The following FAF1 variants were observed in gnomAD, a reference collection of about 807,000 sequenced individuals.
The protein encoded by FAF1 is Fas associated factor 1.
FAF1 carries 25 observed loss-of-function variants against 92.5 expected under a neutral mutation model. The ratio of observed to expected loss-of-function variants is 0.27; its 90% confidence interval spans 0.20 to 0.38. FAF1 has a LOEUF of 0.38. FAF1 is among the 10% of genes least tolerant of loss of function. The pLI is 1.00. For missense variants in FAF1, 636 were observed against 793.3 expected (o/e 0.80, Z 2.38); for synonymous variants, 234 against 273.2 (o/e 0.86, Z 1.42).
At chr1:50,678,016 A>T (rs1656211290) in intron 7 of FAF1, among the ~76,000 whole-genome samples, 1 of 152,222 alleles carries the variant, frequency 6.6e-6, no homozygotes, top group African/African-American at 2.4e-5. Context: ...GCTAGAGGCA[A>T]AACAGATTCT....
chr1:50,663,807 CCAGT>C (rs1222216572), intron 7 of FAF1, among the ~76,000 whole-genome samples: 3 of 151,412 alleles, frequency 2.0e-5, no homozygotes, highest in African/African-American at 7.4e-5. Context: ...CCTAAGGTGG[CCAGT>C]CACTTTTGAG....
chr1:50,595,231 T>G (rs184168399), intron 9 of FAF1, among the ~76,000 whole-genome samples: 4 of 152,058 alleles, frequency 2.6e-5, no homozygotes, highest in Non-Finnish European at 5.9e-5. Flanking sequence ...ATTTTGTATT[T>G]TTAGTAGAGA....
At chr1:50,667,008 T>C (rs1655670349) in intron 7 of FAF1, among the ~76,000 whole-genome samples, 1 of 152,242 alleles carries the variant, frequency 6.6e-6, no homozygotes, top group Non-Finnish European at 1.5e-5. Context: ...AGTTACAGTC[T>C]GTCCACTTTG....
chr1:50,892,757 T>A (rs979978540), intron 1 of FAF1, among the ~76,000 whole-genome samples: 1 of 152,228 alleles, frequency 6.6e-6, no homozygotes, highest in Non-Finnish European at 1.5e-5. Context: ...GTTATCCCTT[T>A]AAATAAACTC....
intron 18 of FAF1, among the ~76,000 whole-genome samples, chr1:50,474,634 G>A (rs903899310): frequency 6.6e-6 from 1 of 152,110 alleles, no homozygotes; most frequent in Non-Finnish European, 1.5e-5. Flanking sequence ...CGTTATTAAC[G>A]TGTATTCAGC....
In FAF1 at chr1:50,655,448, G is replaced by A. The variant is rs770746599; in HGVS notation, c.738C>T (p.Asp246=). 39 of 1,610,594 alleles carry A rather than the reference G, an allele frequency of 2.4e-5. No homozygotes were observed. The highest frequency in any genetic ancestry group is 2.0e-4 in the East Asian group (9 of 44,880). ...AAATTTGACTGTCACTTACTGAGTC[G>A]TCTGTAGCAGAAGTTGGCCAGCCCT... ...LWEGWPTSAT[D]DSMCLAESGL... The change falls in exon 8 of 19, where the codon GAC becomes GAT. Residue 246 remains aspartate, a synonymous_variant. Coordinates refer to ENST00000396153, the MANE Select transcript of FAF1 (RefSeq NM_007051.3).
At chr1:50,807,692 C>T (rs2124601016) in intron 2 of FAF1, among the ~76,000 whole-genome samples, 1 of 152,070 alleles carries the variant, frequency 6.6e-6, no homozygotes. Context: ...GACCAGTTCT[C>T]CAAAATAATT....
intron 1 of FAF1, among the ~76,000 whole-genome samples, chr1:50,916,703 G>A (rs1326360650): frequency 6.6e-6 from 1 of 152,182 alleles, no homozygotes; most frequent in African/African-American, 2.4e-5. Flanking sequence ...GAGAATGGAA[G>A]CCTTCATATT....
chr1:50,773,698 A>G (rs1487359146), intron 4 of FAF1, among the ~76,000 whole-genome samples: 1 of 152,218 alleles, frequency 6.6e-6, no homozygotes, highest in Non-Finnish European at 1.5e-5. Flanking sequence ...AGCTCCGTGG[A>G]TAAAGAGAAA....
intron 8 of FAF1, among the ~76,000 whole-genome samples, chr1:50,630,959 T>A (rs1395567016): frequency 6.7e-6 from 1 of 150,304 alleles, no homozygotes; most frequent in Non-Finnish European, 1.5e-5. Flanking sequence ...CCTGCCACCA[T>A]GCCCGGCTAA....
chr1:50,630,949 C>A (rs1569626942), intron 8 of FAF1, among the ~76,000 whole-genome samples: 1 of 150,624 alleles, frequency 6.6e-6, no homozygotes, highest in Non-Finnish European at 1.5e-5. Context: ...ATTAAGGACA[C>A]CTGCCACCAT....
chr1:50,657,416 G>A (rs540485864), intron 7 of FAF1, among the ~76,000 whole-genome samples: 1 of 151,976 alleles, frequency 6.6e-6, no homozygotes, highest in Admixed American at 6.6e-5. Context: ...AAGACTTGAG[G>A]CCAGGCATGG....
At chr1:50,534,709 T>C (rs1386526258) in intron 15 of FAF1, among the ~76,000 whole-genome samples, 3 of 152,222 alleles carry the variant, frequency 2.0e-5, no homozygotes, top group Admixed American at 6.5e-5. Context: ...ACGGGTTATT[T>C]TGAGGATCAT....
intron 15 of FAF1, among the ~76,000 whole-genome samples, chr1:50,509,801 C>T (rs1001100672): frequency 1.3e-5 from 2 of 151,984 alleles, no homozygotes; most frequent in Non-Finnish European, 2.9e-5. Flanking sequence ...AATTCTAGGT[C>T]TGCCACTTAA....
intron 6 of FAF1, among the ~76,000 whole-genome samples, chr1:50,731,667 C>T (rs1020628762): frequency 2.6e-5 from 4 of 152,118 alleles, no homozygotes; most frequent in Non-Finnish European, 5.9e-5. Context: ...CGCGCCCGGC[C>T]TCAAAACACT....
In FAF1 at chr1:50,858,032, T is replaced by C. The variant is rs201936599; in HGVS notation, c.46-35A>G. ...AAGTAAATAAGCATTTTACATATAATTTTAGAAATAGGGAGGTAAATCAGA... is the reference window on the plus strand; with the variant it reads ...AAGTAAATAAGCATTTTACATATAACTTTAGAAATAGGGAGGTAAATCAGA... On this transcript the variant is annotated intron_variant, in intron 1 of 18. Coordinates refer to ENST00000396153, the MANE Select transcript of FAF1 (RefSeq NM_007051.3). 2.6e-4 allele frequency: 392 copies of C among 1,483,824 alleles called. 1 individual carries two copies. The African/African-American group carries it at 4.8e-3, about 18-fold the overall frequency. The allele number at this position is 1,483,824 out of a possible 1,614,324, so 91.9% of individuals were successfully genotyped here.
intron 1 of FAF1, among the ~76,000 whole-genome samples, chr1:50,888,947 T>G (rs1315560904): frequency 6.6e-6 from 1 of 152,222 alleles, no homozygotes; most frequent in Non-Finnish European, 1.5e-5. Context: ...TGGTACCAGC[T>G]CCTCCTTGTA....
chr1:50,519,931 T>C (rs1456034341), intron 15 of FAF1, among the ~76,000 whole-genome samples: 1 of 152,230 alleles, frequency 6.6e-6, no homozygotes, highest in African/African-American at 2.4e-5. Context: ...ATTTATGTCA[T>C]AATACATGCA....
intron 4 of FAF1, among the ~76,000 whole-genome samples, chr1:50,758,149 C>T (rs1384978723): frequency 1.3e-5 from 2 of 152,204 alleles, no homozygotes; most frequent in Admixed American, 6.5e-5. Flanking sequence ...AACTCCTGAC[C>T]TCAAGTGATC....
Sources: gnomAD v4.1 joint callset for allele counts (sites outside exome capture counted in the v4.1 genomes callset) on GRCh38, gnomAD v4.1.1 for gene constraint, MANE v1.5 for transcripts, NCBI Gene and HGNC (gene_info 2026-07-23, HGNC 2026-07-21) for gene names.